Variants in CTIF observed in about 807,000 individuals in gnomAD.
CTIF encodes CBP80/20-dependent translation initiation factor.
A neutral mutation model predicts 66.0 loss-of-function variants in CTIF; 21 were observed. That is an observed-to-expected ratio of 0.32 (90% CI 0.23 to 0.46). CTIF has a LOEUF of 0.46. Among genes scored for constraint, CTIF ranks in the 20% least tolerant of loss-of-function variants. The pLI, the probability that CTIF is intolerant of heterozygous loss-of-function variation, is 1.00. For missense variants in CTIF, 739 were observed against 812.7 expected (o/e 0.91, Z 1.10); for synonymous variants, 345 against 326.4 (o/e 1.06, Z -0.62).
intron 9 of CTIF, among the ~76,000 whole-genome samples, chr18:48,804,799 T>A (rs1198442267): frequency 6.6e-6 from 1 of 152,154 alleles, no homozygotes; most frequent in Admixed American, 6.5e-5. Context: ...CTTCTCCTCC[T>A]ATCCTGACTC....
chr18:48,548,273 G>C (rs1253823891), intron 1 of CTIF, among the ~76,000 whole-genome samples: 1 of 152,136 alleles, frequency 6.6e-6, no homozygotes, highest in Non-Finnish European at 1.5e-5. Flanking sequence ...CAGTAGCTGG[G>C]AACACACAGG....
rs2069433683 is a variant in CTIF, at chr18:48,860,219, G to A, written c.*660G>A. 3.0e-6 allele frequency: 1 copy of A among 333,768 alleles called. No homozygotes were observed. Among genetic ancestry groups the A allele is most frequent in the African/African-American group, 2.2e-5 (1 of 46,498 alleles). 20.7% of individuals were successfully genotyped at this position (333,768 alleles called of 1,614,324 possible). A position where few individuals can be genotyped will look rare whatever the true frequency, so the allele number is the denominator to read the frequency against. ...GGGGGTCAGGCGCAGCGGGGGAGATGGAGTTTGCAGTTCCACTTGCACTCT... is the reference window on the plus strand; with the variant it reads ...GGGGGTCAGGCGCAGCGGGGGAGATAGAGTTTGCAGTTCCACTTGCACTCT... On this transcript the variant is annotated 3_prime_UTR_variant, in exon 12 of 12. Coordinates refer to ENST00000256413, the MANE Select transcript of CTIF (RefSeq NM_014772.3).
intron 9 of CTIF, among the ~76,000 whole-genome samples, chr18:48,774,316 C>T (rs1009729710): frequency 3.9e-5 from 6 of 152,174 alleles, no homozygotes; most frequent in African/African-American, 1.2e-4. Flanking sequence ...CATGCTGGCT[C>T]AGCATGGCTC....
intron 1 of CTIF, among the ~76,000 whole-genome samples, chr18:48,608,111 T>C (rs977490846): frequency 1.3e-5 from 2 of 151,788 alleles, no homozygotes; most frequent in African/African-American, 4.8e-5. Context: ...GCAGGTAACA[T>C]GTGTGAGTGA....
chr18:48,732,958 G>C (rs2092469000), intron 7 of CTIF, among the ~76,000 whole-genome samples: 1 of 152,214 alleles, frequency 6.6e-6, no homozygotes, highest in African/African-American at 2.4e-5. Flanking sequence ...AATCAGACAA[G>C]ATTGGGCATG....
intron 10 of CTIF, among the ~76,000 whole-genome samples, chr18:48,851,460 C>T (rs571683600): frequency 3.9e-5 from 6 of 152,326 alleles, no homozygotes; most frequent in African/African-American, 1.2e-4. Context: ...GCAGCCCTGT[C>T]AGCGTCTCCC....
At chr18:48,724,617 C>T (rs1165649087) in intron 7 of CTIF, among the ~76,000 whole-genome samples, 1 of 152,200 alleles carries the variant, frequency 6.6e-6, no homozygotes, top group Non-Finnish European at 1.5e-5. Flanking sequence ...CTTCCCTGAC[C>T]TTCCCTACAG....
At chr18:48,722,774 C>A (rs983713309) in intron 7 of CTIF, among the ~76,000 whole-genome samples, 4 of 151,870 alleles carry the variant, frequency 2.6e-5, no homozygotes, top group Non-Finnish European at 4.4e-5. Context: ...CTGTGCCCAT[C>A]GGCGCTCACA....
chr18:48,856,023 G>T (rs904885025), intron 10 of CTIF, among the ~76,000 whole-genome samples: 5 of 152,232 alleles, frequency 3.3e-5, no homozygotes, highest in Non-Finnish European at 7.3e-5. Context: ...GGACGGCATT[G>T]AGAAGAGCAG....
At chr18:48,838,374 G>C (rs1248851048) in intron 10 of CTIF, among the ~76,000 whole-genome samples, 3 of 151,306 alleles carry the variant, frequency 2.0e-5, no homozygotes, top group Non-Finnish European at 2.9e-5. Flanking sequence ...GAGCGTGCTG[G>C]GCTGCCCACG....
At chr18:48,755,912 C>G (rs1008816150) in intron 7 of CTIF, 1 of 152,214 alleles carries the variant, frequency 6.6e-6, no homozygotes, top group African/African-American at 2.4e-5. Context: ...AGAAAGAAGA[C>G]AGACAGGCCA....
intron 9 of CTIF, among the ~76,000 whole-genome samples, chr18:48,781,427 ACCAGGGGAGGCAG>A (rs1227162227): frequency 1.3e-5 from 2 of 152,288 alleles, no homozygotes; most frequent in African/African-American, 4.8e-5. Flanking sequence ...GTGGGTGGTG[ACCAGGGGAGGCAG>A]CCAGGCTGGA....
intron 6 of CTIF, among the ~76,000 whole-genome samples, chr18:48,684,656 A>G (rs2091806322): frequency 6.6e-6 from 1 of 152,054 alleles, no homozygotes; most frequent in African/African-American, 2.4e-5. Context: ...CCTTTTCTTT[A>G]TTTTGCAAAA....
chr18:48,768,914 A>G (rs1909840675), intron 9 of CTIF, among the ~76,000 whole-genome samples: 2 of 152,110 alleles, frequency 1.3e-5, no homozygotes, highest in Non-Finnish European at 2.9e-5. Flanking sequence ...ACAAAAAAGA[A>G]TCCATCTCAG....
intron 3 of CTIF, among the ~76,000 whole-genome samples, chr18:48,647,809 AC>A (rs1487019544): frequency 1.3e-5 from 2 of 151,514 alleles, no homozygotes. Flanking sequence ...CTCCTAGGTC[AC>A]CCCCCAGACC....
intron 6 of CTIF, among the ~76,000 whole-genome samples, chr18:48,709,830 T>C (rs909197352): frequency 6.6e-6 from 1 of 152,256 alleles, no homozygotes; most frequent in African/African-American, 2.4e-5. Context: ...AGGCCTATTG[T>C]GGCTGCCTGG....
chr18:48,734,005 A>G (rs766819504), intron 7 of CTIF, among the ~76,000 whole-genome samples: 3 of 152,254 alleles, frequency 2.0e-5, no homozygotes, highest in Non-Finnish European at 2.9e-5. Context: ...ATTTGAAAAT[A>G]AAGCTGGGCA....
intron 6 of CTIF, among the ~76,000 whole-genome samples, chr18:48,674,622 G>A (rs1201616564): frequency 6.6e-6 from 1 of 152,196 alleles, no homozygotes; most frequent in African/African-American, 2.4e-5. Flanking sequence ...TTCCACAACT[G>A]GCAATGAATC....
intron 1 of CTIF, among the ~76,000 whole-genome samples, chr18:48,560,251 G>C (rs912381957): frequency 6.9e-6 from 1 of 145,192 alleles, no homozygotes; most frequent in Non-Finnish European, 1.5e-5. Flanking sequence ...TTTTGAGACA[G>C]AGTCTCGCTC....
Sources: gnomAD v4.1 joint callset for allele counts (sites outside exome capture counted in the v4.1 genomes callset) on GRCh38, gnomAD v4.1.1 for gene constraint, MANE v1.5 for transcripts, NCBI Gene and HGNC (gene_info 2026-07-23, HGNC 2026-07-21) for gene names.